The following AHCY variants were observed in gnomAD, a reference collection of about 807,000 sequenced individuals.
AHCY encodes S-adenosyl-L-homocysteine hydrolase.
AHCY carries 24 observed loss-of-function variants against 45.4 expected under a neutral mutation model. The ratio of observed to expected loss-of-function variants is 0.53; its 90% CI spans 0.38 to 0.74. The LOEUF (loss-of-function observed/expected upper bound fraction) is 0.74, where lower values mean the gene tolerates loss of function less well. Among genes scored for constraint, AHCY ranks in the 30% least tolerant of loss-of-function variants. The pLI, the probability that AHCY is intolerant of heterozygous loss-of-function variation, is 0.00. For missense variants in AHCY, 449 were observed against 594.1 expected (o/e 0.76, Z 2.54); for synonymous variants, 245 against 235.1 (o/e 1.04, Z -0.39).
At chr20:34,291,347 GC>G (rs958698890) in intron 5 of AHCY, 71 bp downstream of exon 5, 239 of 1,375,360 alleles carry the variant, frequency 1.7e-4, no homozygotes, top group Admixed American at 3.7e-4. Context: ...GCCTTCCTGG[GC>G]ACTCTTCTTC....
the AHCY span, among the ~76,000 whole-genome samples, chr20:34,257,296 GGC>G: frequency 6.6e-6 from 1 of 151,922 alleles, no homozygotes; most frequent in Non-Finnish European, 1.5e-5. Flanking sequence ...TCACCATGTT[GGC>G]CAGGTCGAAC....
downstream of AHCY, among the ~76,000 whole-genome samples, chr20:34,277,746 C>T (rs1176138345): frequency 7.8e-6 from 1 of 128,000 alleles, no homozygotes; most frequent in African/African-American, 3.3e-5. Context: ...CAGAGCAAGA[C>T]TCCATCTCAA....
intron 1 of AHCY, chr20:34,311,348 T>A (rs2036945813): frequency 6.6e-6 from 1 of 152,276 alleles, no homozygotes; most frequent in East Asian, 1.9e-4. Context: ...CGCTGAAAGC[T>A]GCCCTGGACG....
At chr20:34,281,310 A>C in intron 9 of AHCY, 145 bp from the exon 10 acceptor site, 1 of 1,314,898 alleles carries the variant, frequency 7.6e-7, no homozygotes. Flanking sequence ...CCTCACACCC[A>C]GCCTCAGTTA....
the AHCY span, among the ~76,000 whole-genome samples, chr20:34,235,510 A>C: frequency 6.6e-5 from 10 of 152,152 alleles, no homozygotes; most frequent in Admixed American, 6.5e-4. Flanking sequence ...CGAAGGTTCT[A>C]TATGGGATAT....
At chr20:34,239,036 G>A in the AHCY span, among the ~76,000 whole-genome samples, 1 of 152,042 alleles carries the variant, frequency 6.6e-6, no homozygotes, top group Non-Finnish European at 1.5e-5. Context: ...ATACTTTCCT[G>A]GCTAATTATT....
At chr20:34,258,688 T>TATATATATATATATATATATATATATAC in the AHCY span, among the ~76,000 whole-genome samples, 42 of 66,538 alleles carry the variant, frequency 6.3e-4, 2 homozygotes, top group Non-Finnish European at 8.2e-4. Context: ...TATATATATA[T>TATATATATATATATATATATATATATAC]ATACATACTA....
At chr20:34,235,829 GAAAGAAAGA>G in the AHCY span, among the ~76,000 whole-genome samples, 1 of 62,648 alleles carries the variant, frequency 1.6e-5, no homozygotes, top group Non-Finnish European at 2.5e-5. Context: ...AAGAAAGAAA[GAAAGAAAGA>G]AAGAAGGAAG....
chr20:34,294,121 C>T lies in AHCY; in HGVS notation c.255G>A (p.Gln85=). ...QWSSCNIFST[Q]DHAAAAIAKA... ...TGGCAATGGCAGCCGCCGCATGGTC[C>T]TGGGTGGAGAAGATGTTGCAGCTGG... Residue 85 remains glutamine, a synonymous_variant, in exon 3 of 10, where the codon CAG becomes CAA. Transcript: ENST00000217426. The T allele has an allele frequency of 1.9e-6, 3 of 1,613,940 alleles. No homozygotes were observed. The highest frequency in any genetic ancestry group is 1.3e-5 in the African/African-American group (1 of 75,054).
chr20:34,240,741 C>T, the AHCY span, among the ~76,000 whole-genome samples: 1,974 of 152,176 alleles, frequency 0.013, 39 homozygotes, highest in African/African-American at 0.045. Flanking sequence ...TGTTTTATTC[C>T]GTCTCTTGGG....
the AHCY span, among the ~76,000 whole-genome samples, chr20:34,245,628 A>G: frequency 6.6e-6 from 1 of 151,700 alleles, no homozygotes; most frequent in Non-Finnish European, 1.5e-5. Context: ...TGACCTCATG[A>G]TCCACCCGCC....
At chr20:34,296,122 G>A (rs73261454) in intron 1 of AHCY, among the ~76,000 whole-genome samples, 15,702 of 152,180 alleles carry the variant, frequency 0.1, 2,713 homozygotes, top group African/African-American at 0.36. Context: ...GAACTCATCC[G>A]TATAACGAAT....
the AHCY span, among the ~76,000 whole-genome samples, chr20:34,251,553 C>G: frequency 6.6e-6 from 1 of 152,188 alleles, no homozygotes. Context: ...GGATTACAGG[C>G]ATGAGCCACC....
intron 5 of AHCY, 75 bp downstream of exon 5, chr20:34,291,344 T>C: frequency 7.3e-7 from 1 of 1,365,354 alleles, no homozygotes; most frequent in African/African-American, 1.4e-5. Context: ...TCAGCCTTCC[T>C]GGGCACTCTT....
chr20:34,310,363 A>C (rs553817873), intron 1 of AHCY, among the ~76,000 whole-genome samples: 8 of 152,208 alleles, frequency 5.3e-5, no homozygotes, highest in African/African-American at 1.9e-4. Context: ...CCGGCTGATT[A>C]ATTTTATTTT....
At chr20:34,242,181 C>A in the AHCY span, among the ~76,000 whole-genome samples, 1 of 151,260 alleles carries the variant, frequency 6.6e-6, no homozygotes, top group African/African-American at 2.4e-5. Context: ...TTTTTGGTTT[C>A]CTTTTTAAAA....
chr20:34,243,791 G>A, the AHCY span, among the ~76,000 whole-genome samples: 1 of 150,956 alleles, frequency 6.6e-6, no homozygotes, highest in African/African-American at 2.4e-5. Flanking sequence ...CTCGCCGGGC[G>A]CGGTGGCTCA....
At chr20:34,240,546 A>G in the AHCY span, among the ~76,000 whole-genome samples, 2 of 152,324 alleles carry the variant, frequency 1.3e-5, no homozygotes, top group African/African-American at 4.8e-5. Flanking sequence ...TTATGAGACC[A>G]ATATTCCTGC....
chr20:34,254,703 A>C, the AHCY span, among the ~76,000 whole-genome samples: 1 of 152,308 alleles, frequency 6.6e-6, no homozygotes, highest in African/African-American at 2.4e-5. Context: ...TTAACATAAT[A>C]TATGGATGAT....
Sources: gnomAD v4.1 joint callset for allele counts (sites outside exome capture counted in the v4.1 genomes callset) on GRCh38, gnomAD v4.1.1 for gene constraint, MANE v1.5 for transcripts, NCBI Gene and HGNC (gene_info 2026-07-23, HGNC 2026-07-21) for gene names.